LMNTD1: variants seen among roughly 807,000 people sequenced by gnomAD.
LMNTD1 encodes lamin tail domain containing 1, also known as lamin tail domain-containing protein 1.
LMNTD1 carries 35 observed loss-of-function variants against 50.9 expected under a neutral mutation model. The ratio of observed to expected loss-of-function variants is 0.69; its 90% confidence interval spans 0.53 to 0.91. The LOEUF (loss-of-function observed/expected upper bound fraction) is 0.91. Ranked by LOEUF, LMNTD1 falls within the 40% of genes least tolerant of loss-of-function variation. The pLI, the probability that LMNTD1 is intolerant of heterozygous loss-of-function variation, is 0.00. For synonymous variants in LMNTD1, 153 were observed against 161.9 expected (o/e 0.94, Z 0.42); for missense variants, 470 against 475.5 (o/e 0.99, Z 0.11).
At chr12:25,614,208 G>A (rs1946305266) in intron 1 of LMNTD1, among the ~76,000 whole-genome samples, 1 of 152,068 alleles carries the variant, frequency 6.6e-6, no homozygotes, top group Non-Finnish European at 1.5e-5. Context: ...TCCTTGTTAA[G>A]CTTCCTACGC....
chr12:25,527,292 C>A (rs1395126373), intron 4 of LMNTD1, among the ~76,000 whole-genome samples: 2 of 151,592 alleles, frequency 1.3e-5, no homozygotes, highest in Non-Finnish European at 2.9e-5. Flanking sequence ...AGACATGAAA[C>A]TCTCAAAAGT....
At chr12:25,578,767 T>C (rs574672133) in intron 1 of LMNTD1, among the ~76,000 whole-genome samples, 1 of 152,324 alleles carries the variant, frequency 6.6e-6, no homozygotes, top group South Asian at 2.1e-4. Flanking sequence ...TTCAAAGACC[T>C]GTCTCAGCGA....
At chr12:25,505,609 G>A (rs541903622) in intron 8 of LMNTD1, among the ~76,000 whole-genome samples, 37 of 151,744 alleles carry the variant, frequency 2.4e-4, no homozygotes, top group African/African-American at 8.7e-4. Context: ...TTGAATATAC[G>A]ATGCAGTAAA....
At chr12:25,538,708 A>C (rs1361358200) in intron 4 of LMNTD1, among the ~76,000 whole-genome samples, 5 of 116,468 alleles carry the variant, frequency 4.3e-5, no homozygotes, top group Non-Finnish European at 7.7e-5. Context: ...GACAGGATCA[A>C]ATTCACACAT....
chr12:25,511,117 G>T (rs970201747), intron 8 of LMNTD1, among the ~76,000 whole-genome samples: 7 of 152,140 alleles, frequency 4.6e-5, no homozygotes, highest in East Asian at 1.9e-4. Flanking sequence ...GGTAGTCAGG[G>T]TGTGTTTGAA....
rs531122176 is a variant in LMNTD1 at position 25,505,794 on chromosome 12, C to A, written c.1190-1994G>T. On this transcript the variant is annotated intron_variant, in intron 8 of 9. Coordinates refer to ENST00000458174, the MANE Select transcript of LMNTD1 (RefSeq NM_001145728.2). ...ATCCCTCTGGATAGTCAGTTTTTTTCATTTAACATTTTTTATACATTAACT... is the reference window on the plus strand; with the variant it reads ...ATCCCTCTGGATAGTCAGTTTTTTTAATTTAACATTTTTTATACATTAACT... 5.3e-5 allele frequency among the ~76,000 whole-genome samples: 8 copies of A among 152,154 alleles called. No individual in the cohort carries two copies. In the South Asian group the frequency reaches 1.7e-3, roughly 32 times the overall value.
chr12:25,552,740 A>G, intron 2 of LMNTD1, 131 bp downstream of exon 2: 1 of 631,460 alleles, frequency 1.6e-6, no homozygotes, highest in East Asian at 2.7e-5. Flanking sequence ...TTATTTCTAG[A>G]AAATTTGTGA....
Position 25,526,927 on chromosome 12 carries a change from C to T in LMNTD1, c.520G>A (p.Val174Met). The T allele has an allele frequency of 1.9e-6, 3 of 1,608,968 alleles. No individual in the cohort carries two copies. Among genetic ancestry groups the T allele is most frequent in the Non-Finnish European group, 2.5e-6 (3 of 1,177,854 alleles). ...TTCACGAACAAACCCTTGACATTCACTTCAGCTATTTCAACATCTCCAAGA... is the reference window on the plus strand; with the variant it reads ...TTCACGAACAAACCCTTGACATTCATTTCAGCTATTTCAACATCTCCAAGA... ...SSLGDVEIAE[V>M]NVKGLFVKLI... Residue 174 changes from valine (V) to methionine (M), a missense_variant, in exon 5 of 10, where the codon GTG becomes ATG. Physicochemically the swap from Val to Met is conservative, Grantham distance 21. Coordinates refer to ENST00000458174, the MANE Select transcript of LMNTD1 (RefSeq NM_001145728.2).
At chr12:25,645,181 G>A (rs1023118608) in intron 1 of LMNTD1, among the ~76,000 whole-genome samples, 1 of 152,214 alleles carries the variant, frequency 6.6e-6, no homozygotes, top group Non-Finnish European at 1.5e-5. Context: ...GGCTCATGAA[G>A]AGTTGGAGTC....
chr12:25,571,725 A>C (rs575956203), intron 1 of LMNTD1, among the ~76,000 whole-genome samples: 1 of 152,298 alleles, frequency 6.6e-6, no homozygotes, highest in East Asian at 1.9e-4. Flanking sequence ...GCTGGAGTGC[A>C]GTAGTGCAAT....
In LMNTD1 at chr12:25,518,851, C is replaced by G. The variant is rs1198823618; in HGVS notation, c.1133G>C (p.Gly378Ala). ...CCTGGGCTGTCTATCCAATCTGCCT[C>G]CAGCGGTGGATGTATTGTGTGGTTC... The part of the protein sequence containing the change: ...LIEPHNTSTA[G>A]GRLDRQPRTR... The change falls in exon 8 of 10, where the codon GGA becomes GCA. Residue 378 changes from glycine (G) to alanine (A), a missense_variant. Transcript: ENST00000458174. The G allele has an allele frequency of 6.2e-7, 1 of 1,613,952 alleles. No individual in the cohort carries two copies. Among genetic ancestry groups the G allele is most frequent in the African/African-American group, 1.3e-5 (1 of 74,900 alleles).
intron 8 of LMNTD1, among the ~76,000 whole-genome samples, chr12:25,516,316 A>G (rs1940769012): frequency 6.6e-6 from 1 of 152,228 alleles, no homozygotes; most frequent in African/African-American, 2.4e-5. Flanking sequence ...AAATATGCAC[A>G]TACGGTGAAG....
intron 6 of LMNTD1, among the ~76,000 whole-genome samples, chr12:25,522,168 A>G (rs1324024244): frequency 6.6e-6 from 1 of 150,398 alleles, no homozygotes; most frequent in African/African-American, 2.4e-5. Flanking sequence ...TCTTTTTTAA[A>G]AAGTTTATTT....
intron 1 of LMNTD1, among the ~76,000 whole-genome samples, chr12:25,584,695 G>C (rs1014561403): frequency 6.6e-6 from 1 of 152,026 alleles, no homozygotes; most frequent in Non-Finnish European, 1.5e-5. Context: ...CAACTAACAG[G>C]GTTAAAACTT....
intron 1 of LMNTD1, among the ~76,000 whole-genome samples, chr12:25,603,032 G>A (rs1946013336): frequency 6.6e-6 from 1 of 152,016 alleles, no homozygotes; most frequent in Non-Finnish European, 1.5e-5. Flanking sequence ...AGGAAGAAAT[G>A]GTAGAGGTGA....
chr12:25,482,261 T>A (rs1938470302), intron 9 of LMNTD1, among the ~76,000 whole-genome samples: 1 of 152,016 alleles, frequency 6.6e-6, no homozygotes, highest in Admixed American at 6.5e-5. Context: ...AACAAATAAC[T>A]TAACCCTGCA....
At chr12:25,512,293 C>CA (rs1257205537) in intron 8 of LMNTD1, among the ~76,000 whole-genome samples, 1 of 151,856 alleles carries the variant, frequency 6.6e-6, no homozygotes, top group African/African-American at 2.4e-5. Flanking sequence ...CATTAAGCAG[C>CA]AAAAAACGAG....
At chr12:25,551,529 A>T (rs932975282) in intron 2 of LMNTD1, among the ~76,000 whole-genome samples, 17 of 152,132 alleles carry the variant, frequency 1.1e-4, no homozygotes, top group African/African-American at 3.9e-4. Flanking sequence ...AGCTGAGACT[A>T]CAGGCACATG....
intron 1 of LMNTD1, among the ~76,000 whole-genome samples, chr12:25,631,547 C>A (rs772312766): frequency 6.6e-6 from 1 of 152,098 alleles, no homozygotes; most frequent in Non-Finnish European, 1.5e-5. Context: ...AGAAGAGAGA[C>A]AACAATCACT....
Sources: gnomAD v4.1 joint callset for allele counts (sites outside exome capture counted in the v4.1 genomes callset) on GRCh38, gnomAD v4.1.1 for gene constraint, MANE v1.5 for transcripts, NCBI Gene and HGNC (gene_info 2026-07-23, HGNC 2026-07-21) for gene names.